Variants in PATJ observed in about 807,000 individuals in gnomAD.
PATJ encodes PATJ crumbs cell polarity complex component, also known as inaD-like protein.
PATJ carries 190 observed loss-of-function variants against 224.9 expected under a neutral mutation model. The observed-to-expected ratio is 0.84, with a 90% CI of 0.75 to 0.95. PATJ has a LOEUF of 0.95. Ranked by LOEUF, PATJ falls within the 40% of genes least tolerant of loss-of-function variation. PATJ has a pLI of 0.00. For missense variants in PATJ, 2,121 were observed against 2,270.3 expected (o/e 0.93, Z 1.34); for synonymous variants, 769 against 820.3 (o/e 0.94, Z 1.07).
Position 62,116,519 on chromosome 1 carries a change from A to G in PATJ, c.4656-13A>G, listed in dbSNP as rs761649575. ...GGTTGTGCCAATACTGCACTGCTGT[A>G]TGGTATTAACAGAAATGGAAGCGGA... On this transcript the variant is annotated splice_polypyrimidine_tract_variant and intron_variant, in intron 35 of 43. Transcript: ENST00000642238. 1.2e-5 allele frequency: 20 copies of G among 1,613,498 alleles called. No homozygotes were observed. The East Asian group carries it at 2.2e-4, about 18-fold the overall frequency.
rs574469302 is a variant in PATJ at position 62,046,474 on chromosome 1, G to A, written c.4033-4492G>A. On this transcript the variant is annotated intron_variant, in intron 30 of 43. Coordinates refer to ENST00000642238, the MANE Select transcript of PATJ (RefSeq NM_001350145.3). ...ATTTGGACTTCAAACCCTCCTCTAC[G>A]GAGTCATCTCAGACTAAGAGGAAAA... 5.9e-5 allele frequency among the ~76,000 whole-genome samples: 9 copies of A among 152,198 alleles called. No homozygotes were observed. The East Asian group carries it at 1.2e-3, about 20-fold the overall frequency.
intron 27 of PATJ, among the ~76,000 whole-genome samples, chr1:61,979,548 G>A (rs575485743): frequency 6.6e-6 from 1 of 151,886 alleles, no homozygotes; most frequent in Non-Finnish European, 1.5e-5. Flanking sequence ...AGCTAGTCAG[G>A]AGGCTGAGGC....
At chr1:61,848,677 A>G (rs1385371615) in intron 17 of PATJ, among the ~76,000 whole-genome samples, 4 of 152,002 alleles carry the variant, frequency 2.6e-5, no homozygotes, top group South Asian at 2.1e-4. Context: ...TGGCCTCCCA[A>G]ATTGCTGGGA....
chr1:62,148,415 C>T, intron 42 of PATJ, 25 bp downstream of exon 42: 3 of 1,505,690 alleles, frequency 2.0e-6, no homozygotes, highest in Non-Finnish European at 2.8e-6. Flanking sequence ...TGCAGAGGGC[C>T]TATTATGCAT....
intron 28 of PATJ, among the ~76,000 whole-genome samples, chr1:61,998,487 A>G (rs1270628467): frequency 6.6e-6 from 1 of 151,966 alleles, no homozygotes; most frequent in African/African-American, 2.4e-5. Flanking sequence ...TCAACCTCCC[A>G]AAGGGCTGGA....
chr1:61,787,880 A>G lies in PATJ; in HGVS notation c.976A>G (p.Arg326Gly), dbSNP rs1413347273. ...CGNSVRMLVA[R>G]DPAGDISVTP... The stretch of plus-strand genomic sequence containing the variant: ...GAATTCAGTCAGGATGCTCGTTGCT[A>G]GAGATCCAGCTGGTGACATTTCAGT... The change falls in exon 8 of 44, where the codon AGA (arginine) becomes GGA (glycine). Residue 326 changes from arginine to glycine, a missense_variant. Transcript: ENST00000642238. 6.2e-7 allele frequency: 1 copy of G among 1,613,972 alleles called. No homozygotes were observed. Among genetic ancestry groups the G allele is most frequent in the Non-Finnish European group, 8.5e-7 (1 of 1,179,816 alleles).
rs530379589 is a variant in PATJ, at chr1:61,943,585, G to A, written c.3670+15756G>A. Reference sequence around the variant, plus strand: ...CTTGAGTAGGTAAATGAAGCCGCCGGGAAGCTGGAACTGGGTGGAGCTCAC... The same window carrying A: ...CTTGAGTAGGTAAATGAAGCCGCCGAGAAGCTGGAACTGGGTGGAGCTCAC... On this transcript the variant is annotated intron_variant, in intron 27 of 43. Transcript: ENST00000642238. 6.6e-5 allele frequency among the ~76,000 whole-genome samples: 10 copies of A among 152,262 alleles called. No individual in the cohort carries two copies. In the East Asian group the frequency reaches 1.7e-3, roughly 27 times the overall value.
chr1:61,843,924 A>G (rs1335223071), intron 17 of PATJ, among the ~76,000 whole-genome samples: 1 of 152,182 alleles, frequency 6.6e-6, no homozygotes, highest in Non-Finnish European at 1.5e-5. Flanking sequence ...ATGAAAAGGT[A>G]TACTCCTATA....
intron 22 of PATJ, among the ~76,000 whole-genome samples, chr1:61,897,686 T>C (rs1471254517): frequency 1.3e-5 from 2 of 152,198 alleles, no homozygotes; most frequent in Non-Finnish European, 1.5e-5. Flanking sequence ...TCCATATCAC[T>C]GATCAGCACT....
chr1:62,061,845 A>G (rs1558112885), intron 31 of PATJ, among the ~76,000 whole-genome samples: 1 of 151,620 alleles, frequency 6.6e-6, no homozygotes, highest in African/African-American at 2.4e-5. Flanking sequence ...ATTTTTAGTA[A>G]AGATGGGGTT....
chr1:61,801,672 A>C lies in PATJ; in HGVS notation c.1452A>C (p.Ala484=). The change falls in exon 12 of 44, where the codon GCA becomes GCC. Residue 484 remains alanine (A), a synonymous_variant. Transcript: ENST00000642238. ...LKPPALFLTG[A]VETETNVDGE... ...CACCAGCTCTCTTTCTAACTGGAGCAGTGGAAACTGAAACTAATGTGGATG... is the reference window on the plus strand; with the variant it reads ...CACCAGCTCTCTTTCTAACTGGAGCCGTGGAAACTGAAACTAATGTGGATG... 6.2e-7 allele frequency: 1 copy of C among 1,602,316 alleles called. No individual in the cohort carries two copies. The highest frequency in any genetic ancestry group is 8.5e-7 in the Non-Finnish European group (1 of 1,171,876).
At chr1:61,800,995 T>C (rs533683090) in intron 11 of PATJ, among the ~76,000 whole-genome samples, 2 of 152,310 alleles carry the variant, frequency 1.3e-5, no homozygotes, top group African/African-American at 4.8e-5. Flanking sequence ...GACATTTGGG[T>C]TGGTTCCAAG....
rs35950461 is a variant in PATJ at position 61,886,819 on chromosome 1, C to CAAAAAA, written c.3131+2418_3131+2423dup. The stretch of plus-strand genomic sequence containing the variant: ...TGGGCAACAGAGCAAGACCCCATCT[C>CAAAAAA]AAAAAAAAAAAATTAGCCTGTTGTG... On this transcript the variant is annotated intron_variant, in intron 22 of 43. Transcript: ENST00000642238. Among the ~76,000 whole-genome samples, 284 of 87,416 alleles carry CAAAAAA rather than the reference C, an allele frequency of 3.2e-3. 93 individuals carry two copies. Among genetic ancestry groups the CAAAAAA allele is most frequent in the Non-Finnish European group, 5.3e-3 (199 of 37,340 alleles). The allele number at this position is 87,416 out of a possible 152,430, so 57.3% of individuals were successfully genotyped here. A position where few individuals can be genotyped will look rare whatever the true frequency, so the allele number is the denominator to read the frequency against.
At chr1:61,810,596 C>T (rs79994000) in intron 14 of PATJ, among the ~76,000 whole-genome samples, 2 of 151,716 alleles carry the variant, frequency 1.3e-5, no homozygotes, top group Non-Finnish European at 2.9e-5. Context: ...ACTTGGTAGG[C>T]TGAGGGAGGA....
intron 21 of PATJ, among the ~76,000 whole-genome samples, chr1:61,878,971 A>G (rs1667727629): frequency 6.6e-6 from 1 of 151,918 alleles, no homozygotes; most frequent in Admixed American, 6.6e-5. Flanking sequence ...TTTTTAGTAG[A>G]GATGGGGTTT....
At chr1:61,796,301 A>G (rs1473224301) in intron 10 of PATJ, among the ~76,000 whole-genome samples, 1 of 152,232 alleles carries the variant, frequency 6.6e-6, no homozygotes, top group Non-Finnish European at 1.5e-5. Context: ...GGCTTGACAT[A>G]GATTAAGAAT....
intron 33 of PATJ, among the ~76,000 whole-genome samples, chr1:62,088,241 CTT>C (rs1660279755): frequency 3.3e-5 from 5 of 152,288 alleles, no homozygotes; most frequent in Admixed American, 2.6e-4. Flanking sequence ...CACAGAAACA[CTT>C]TGACTAGCGC....
chr1:61,914,588 T>G lies in PATJ; in HGVS notation c.3494T>G (p.Val1165Gly). ...IVQSLSSTPRVIPNVHNKANK... is the reference protein window; with the variant it reads ...IVQSLSSTPRGIPNVHNKANK... ...CCACCCCTTTTTTTGTCACCATAGG[T>G]CATTCCTAACGTACATAACAAGGCC... Residue 1165 changes from valine to glycine, a missense_variant and splice_region_variant, in exon 26 of 44, where the codon GTC becomes GGC. By Grantham distance (109) the Val-to-Gly change is moderately radical (BLOSUM62 -3). Transcript: ENST00000642238. 1 of 1,492,074 alleles carries G rather than the reference T, an allele frequency of 6.7e-7. No individual in the cohort carries two copies. Among genetic ancestry groups the G allele is most frequent in the African/African-American group, 1.4e-5 (1 of 72,658 alleles). 92.4% of individuals were successfully genotyped at this position (1,492,074 alleles called of 1,614,324 possible).
intron 31 of PATJ, among the ~76,000 whole-genome samples, chr1:62,066,019 A>G (rs1656354423): frequency 2.0e-5 from 3 of 152,206 alleles, no homozygotes; most frequent in African/African-American, 7.2e-5. Flanking sequence ...TTCAAAGGGA[A>G]CTATAAATCT....
Sources: gnomAD v4.1 joint callset for allele counts (sites outside exome capture counted in the v4.1 genomes callset) on GRCh38, gnomAD v4.1.1 for gene constraint, MANE v1.5 for transcripts, NCBI Gene and HGNC (gene_info 2026-07-23, HGNC 2026-07-21) for gene names.